EIF4G3: variants seen among roughly 807,000 people sequenced by gnomAD.
The protein encoded by EIF4G3 is eIF-4-gamma 3.
In EIF4G3, 34 loss-of-function variants were observed where a neutral mutation model predicts 186.4. That is an observed-to-expected ratio of 0.18 (90% CI 0.14 to 0.24). EIF4G3 has a LOEUF of 0.24. EIF4G3 is among the 10% of genes least tolerant of loss of function. The pLI, the probability that EIF4G3 is intolerant of heterozygous loss-of-function variation, is 1.00. For missense variants in EIF4G3, 1,536 were observed against 1,948.5 expected, an observed-to-expected ratio of 0.79 and a Z score of 3.99; for synonymous variants, 673 against 679.5, an observed-to-expected ratio of 0.99 and a Z score of 0.15.
At chr1:20,865,041 G>C (rs1371747872) in intron 21 of EIF4G3, 75 bp downstream of exon 21, 1 of 1,539,894 alleles carries the variant, frequency 6.5e-7, no homozygotes, top group East Asian at 2.3e-5. Flanking sequence ...GGGAGATGCT[G>C]TATCTAGCTT....
rs1573859172 is a variant in EIF4G3 at position 21,176,239 on chromosome 1, C to CCGCCGG, written c.-337_-336insCCGGCG. ...TGAGGAGGGGGGACCGCTGCCGCCG[C>CCGCCGG]CGCCGCCGCCGCCGCCGCCGCCGCC... is the stretch of plus-strand genomic sequence containing the variant. On this transcript the variant is annotated 5_prime_UTR_variant, in exon 2 of 37. Coordinates refer to ENST00000602326, the MANE Select transcript of EIF4G3 (RefSeq NM_001391906.1). The CCGCCGG allele has an allele frequency of 2.8e-6, 1 of 354,878 alleles. No homozygotes were observed. The highest frequency in any genetic ancestry group is 4.6e-5 in the East Asian group (1 of 21,538). 22.0% of individuals were successfully genotyped at this position (354,878 alleles called of 1,614,324 possible). A position where few individuals can be genotyped will look rare whatever the true frequency, so the allele number is the denominator to read the frequency against.
intron 3 of EIF4G3, among the ~76,000 whole-genome samples, chr1:21,059,882 G>C (rs1195047862): frequency 6.6e-6 from 1 of 152,216 alleles, no homozygotes; most frequent in African/African-American, 2.4e-5. Context: ...TAAGAAAGAA[G>C]CACTTCCAAA....
chr1:20,838,497 C>T (rs1473236170), intron 30 of EIF4G3, among the ~76,000 whole-genome samples: 1 of 152,118 alleles, frequency 6.6e-6, no homozygotes, highest in South Asian at 2.1e-4. Context: ...TGAGGGTGTA[C>T]ATACCTTTAT....
chr1:20,838,809 T>A (rs2067543774), intron 30 of EIF4G3, among the ~76,000 whole-genome samples: 1 of 152,106 alleles, frequency 6.6e-6, no homozygotes, highest in African/African-American at 2.4e-5. Context: ...CCCAAGTAGC[T>A]GGGACTATAG....
rs575072251 is a variant in EIF4G3 at position 21,170,320 on chromosome 1, T to A, written c.-272+5855A>T. Among the ~76,000 whole-genome samples, 4 of 152,164 alleles carry A rather than the reference T, an allele frequency of 2.6e-5. No individual in the cohort carries two copies. In the South Asian group the frequency reaches 6.2e-4, roughly 24 times the overall value. On this transcript the variant is annotated intron_variant, in intron 2 of 36. Transcript: ENST00000602326. ...AATCTCTGCCTTCATGGAGTTTACA[T>A]TCTATTAACAAAATTCAATGTCTTA...
rs775775814 is a variant in EIF4G3, at chr1:20,895,437, G to C, written c.2064C>G (p.Phe688Leu). Residue 688 changes from phenylalanine to leucine, a missense_variant, in exon 17 of 37, where the codon TTC (phenylalanine) becomes TTG (leucine). This residue lies in a region of EIF4G3 where 139 missense variants were observed against 192.8 expected (regional missense o/e 0.72). Coordinates refer to ENST00000602326, the MANE Select transcript of EIF4G3 (RefSeq NM_001391906.1). ...TTTGTATACAGGCAGGCATGAACTG[G>C]AAGTCCAGCAGAAACTCCCTGTCAT... The part of the protein sequence containing the change: ...KQYDREFLLD[F>L]QFMPACIQKP... The C allele has an allele frequency of 5.0e-6, 8 of 1,614,038 alleles. No homozygotes were observed. Among genetic ancestry groups the C allele is most frequent in the Non-Finnish European group, 6.8e-6 (8 of 1,179,952 alleles).
chr1:21,129,593 A>G (rs1489986634), intron 2 of EIF4G3, among the ~76,000 whole-genome samples: 3 of 152,106 alleles, frequency 2.0e-5, no homozygotes, highest in Non-Finnish European at 1.5e-5. Flanking sequence ...AACAGGCACA[A>G]AGCCTGAAGA....
chr1:21,014,407 T>C (rs1489535683), intron 4 of EIF4G3, among the ~76,000 whole-genome samples: 1 of 152,292 alleles, frequency 6.6e-6, no homozygotes, highest in East Asian at 1.9e-4. Flanking sequence ...TGTGTACAGA[T>C]ATTTTGTCAC....
chr1:21,058,717 CTCTTTTTTTTTTTTTTT>C (rs1423140684), intron 3 of EIF4G3, among the ~76,000 whole-genome samples: 7 of 104,620 alleles, frequency 6.7e-5, no homozygotes, highest in Admixed American at 1.0e-4. Flanking sequence ...CTCTCTCTCT[CTCTTTTTTTTTTTTTTT>C]TTTTTTTTTT....
chr1:20,837,581 G>T (rs929958319), intron 30 of EIF4G3, among the ~76,000 whole-genome samples: 2 of 152,136 alleles, frequency 1.3e-5, no homozygotes, highest in Non-Finnish European at 2.9e-5. Flanking sequence ...CAACTGTTCA[G>T]AAGTTGACAT....
At position 21,024,316 on chromosome 1, in the gene EIF4G3, G is replaced by A. The variant is rs527687134; in HGVS notation, c.-66-21508C>T. ...TGGGAAGTGAAGAGCCCCTCTGCCC[G>A]GCCAGCCGCCCCGACCGTGAGGGAG... On this transcript the variant is annotated intron_variant, in intron 4 of 36. Transcript: ENST00000602326. Among the ~76,000 whole-genome samples, 408 of 151,796 alleles carry A rather than the reference G, an allele frequency of 2.7e-3. 7 individuals carry two copies. The highest frequency in any genetic ancestry group is 0.018 in the Admixed American group (281 of 15,274).
intron 2 of EIF4G3, among the ~76,000 whole-genome samples, chr1:21,137,611 C>A (rs1352490727): frequency 2.0e-5 from 3 of 151,814 alleles, no homozygotes; most frequent in Non-Finnish European, 4.4e-5. Context: ...GAGTTTGAGA[C>A]CAGCCTGGGC....
intron 12 of EIF4G3, among the ~76,000 whole-genome samples, chr1:20,966,088 A>G (rs1006439365): frequency 3.3e-5 from 5 of 152,196 alleles, no homozygotes; most frequent in Non-Finnish European, 5.9e-5. Flanking sequence ...TGCACCAGTC[A>G]GATCTTAGTA....
chr1:21,123,982 G>A (rs1159096962), intron 2 of EIF4G3, among the ~76,000 whole-genome samples: 1 of 152,044 alleles, frequency 6.6e-6, no homozygotes, highest in South Asian at 2.1e-4. Context: ...TAAACATTAC[G>A]TATCTCTTCC....
At chr1:20,980,914 A>G in intron 9 of EIF4G3, 134 bp downstream of exon 9, 1 of 641,178 alleles carries the variant, frequency 1.6e-6, no homozygotes, top group South Asian at 5.0e-5. Flanking sequence ...AAAGGGCTAG[A>G]TTTGTAACCA....
At chr1:21,112,006 C>G (rs762059124) in intron 2 of EIF4G3, among the ~76,000 whole-genome samples, 6 of 152,156 alleles carry the variant, frequency 3.9e-5, no homozygotes, top group Non-Finnish European at 7.4e-5. Context: ...ATTAAATATA[C>G]TTGTTCTCAC....
chr1:20,899,749 A>G lies in EIF4G3; in HGVS notation c.1947T>C (p.Asn649=), dbSNP rs780453131. Residue 649 remains asparagine (N), a synonymous_variant, in exon 16 of 37, where the codon AAT becomes AAC. Transcript: ENST00000602326. ...CACCAGAACTATCTGTGGAGCCTGA[A>G]TTAGCATCTATTCCTTCACCCTCAG... ...SVSEGEGIDA[N]SGSTDSSGDG... 1 of 1,614,164 alleles carries G rather than the reference A, an allele frequency of 6.2e-7. No individual in the cohort carries two copies. Among genetic ancestry groups the G allele is most frequent in the Non-Finnish European group, 8.5e-7 (1 of 1,180,014 alleles).
intron 4 of EIF4G3, among the ~76,000 whole-genome samples, chr1:21,018,848 C>A (rs529172778): frequency 8.5e-5 from 13 of 152,180 alleles, no homozygotes; most frequent in African/African-American, 3.1e-4. Context: ...CTTCCTGAGG[C>A]CCTTATCTGA....
At chr1:20,980,562 G>T (rs2077728758) in intron 9 of EIF4G3, 114 bp from the exon 10 acceptor site, 3 of 716,332 alleles carry the variant, frequency 4.2e-6, no homozygotes, top group African/African-American at 1.9e-5. Flanking sequence ...CTGTGTAAGA[G>T]AATCATTTAA....
Sources: allele counts gnomAD v4.1 joint callset (sites outside exome capture counted in the v4.1 genomes callset), GRCh38; gene constraint gnomAD v4.1.1; regional missense constraint gnomAD v4.1.1; transcripts MANE v1.5; gene names NCBI Gene and HGNC (gene_info 2026-07-23, HGNC 2026-07-21).